Variants in PDHX observed in about 807,000 individuals in gnomAD.
The protein encoded by PDHX is pyruvate dehydrogenase protein X component, mitochondrial.
A neutral mutation model predicts 55.3 loss-of-function variants in PDHX; 33 were observed. The ratio of observed to expected loss-of-function variants is 0.60; its 90% CI spans 0.45 to 0.80. The LOEUF (loss-of-function observed/expected upper bound fraction) is 0.80. PDHX is among the 30% of genes least tolerant of loss of function. The pLI, the probability that PDHX is intolerant of heterozygous loss-of-function variation, is 0.00. For synonymous variants in PDHX, 226 were observed against 219.4 expected (o/e 1.03, Z -0.27); for missense variants, 622 against 619.9 (o/e 1.00, Z -0.04).
At chr11:34,941,676 C>A (rs1854487120) in intron 2 of PDHX, among the ~76,000 whole-genome samples, 1 of 152,210 alleles carries the variant, frequency 6.6e-6, no homozygotes, top group Non-Finnish European at 1.5e-5. Flanking sequence ...TTTGTGAAAG[C>A]CTCAGGACTT....
chr11:34,922,646 A>G (rs558998442), intron 1 of PDHX, among the ~76,000 whole-genome samples: 3 of 152,322 alleles, frequency 2.0e-5, no homozygotes, highest in African/African-American at 4.8e-5. Flanking sequence ...ATTGTAGACT[A>G]GCATTTCTGT....
upstream of PDHX, chr11:34,916,114 AC>A: frequency 7.1e-7 from 1 of 1,408,272 alleles, no homozygotes. Flanking sequence ...CAGGCCCGAA[AC>A]CCCGCCCCGC....
At position 34,916,633 on chromosome 11, in the gene PDHX, C is replaced by CA; in HGVS notation, c.-22dup. 3 of 1,603,898 alleles carry CA rather than the reference C, an allele frequency of 1.9e-6. No homozygotes were observed. The highest frequency in any genetic ancestry group is 2.5e-6 in the Non-Finnish European group (3 of 1,179,722). ...GCTGGACATCAGGCTGTGCTGCGGG[C>CA]AGCCAGTGAGAAGGCCGTCAAGATG... is the stretch of plus-strand genomic sequence containing the variant. On this transcript the variant is annotated 5_prime_UTR_variant, in exon 1 of 11. Transcript: ENST00000227868.
At chr11:34,975,672 G>A (rs1754308339) in intron 7 of PDHX, among the ~76,000 whole-genome samples, 1 of 151,940 alleles carries the variant, frequency 6.6e-6, no homozygotes, top group African/African-American at 2.4e-5. Flanking sequence ...TCTGACAGTG[G>A]GTATTTACTT....
intron 8 of PDHX, among the ~76,000 whole-genome samples, chr11:34,981,114 A>G (rs2133994046): frequency 6.6e-6 from 1 of 152,138 alleles, no homozygotes; most frequent in East Asian, 1.9e-4. Flanking sequence ...AAGTCATTTA[A>G]CATTAGGTAT....
intron 6 of PDHX, 35 bp from the exon 7 acceptor site, chr11:34,970,104 T>A: frequency 6.2e-7 from 1 of 1,601,486 alleles, no homozygotes. Flanking sequence ...CTATTCCACT[T>A]GTGGTTTAAC....
chr11:34,954,686 A>G (rs780544540), intron 3 of PDHX, among the ~76,000 whole-genome samples: 7 of 152,204 alleles, frequency 4.6e-5, no homozygotes, highest in Non-Finnish European at 7.3e-5. Flanking sequence ...TAAAAAATCC[A>G]TAATTTGAAG....
chr11:34,953,470 C>CA (rs1854827632), intron 3 of PDHX, among the ~76,000 whole-genome samples: 1 of 152,202 alleles, frequency 6.6e-6, no homozygotes, highest in Non-Finnish European at 1.5e-5. Context: ...ACCAAAACAG[C>CA]ATGCTACTGC....
intron 9 of PDHX, 105 bp downstream of exon 9, chr11:34,984,833 G>A (rs939034156): frequency 4.7e-6 from 5 of 1,066,522 alleles, no homozygotes; most frequent in Admixed American, 1.7e-5. Context: ...TGATTTTTGT[G>A]TGTGTGAAGG....
chr11:34,966,568 C>G, intron 5 of PDHX, 72 bp from the exon 6 acceptor site: 1 of 1,376,258 alleles, frequency 7.3e-7, no homozygotes, highest in Non-Finnish European at 1.0e-6. Context: ...CCACATCTCA[C>G]CTGCGTTTTC....
intron 4 of PDHX, 146 bp downstream of exon 4, chr11:34,957,729 GTTT>G: frequency 1.9e-6 from 1 of 532,136 alleles, no homozygotes; most frequent in Non-Finnish European, 3.4e-6. Context: ...TAGAGTGTGT[GTTT>G]TTTTTTTTAA....
intron 8 of PDHX, among the ~76,000 whole-genome samples, chr11:34,978,701 C>A (rs1855437406): frequency 6.6e-6 from 1 of 152,006 alleles, no homozygotes; most frequent in East Asian, 1.9e-4. Flanking sequence ...AGGCTGCAAG[C>A]AGAGGATCGC....
intron 2 of PDHX, among the ~76,000 whole-genome samples, chr11:34,936,707 T>C (rs1004679202): frequency 6.6e-6 from 1 of 151,978 alleles, no homozygotes; most frequent in Admixed American, 6.6e-5. Context: ...TTTATCAGTC[T>C]GTGAGGGTCC....
rs551223450 is a variant in PDHX, at chr11:34,917,493, A to G, written c.160+678A>G. 3.9e-5 allele frequency among the ~76,000 whole-genome samples: 6 copies of G among 152,346 alleles called. No homozygotes were observed. The South Asian group carries it at 6.2e-4, about 16-fold the overall frequency. Reference sequence around the variant, plus strand: ...ATTCTTGCAGTATTTAACAGTATGCAAAATGGCAGGCCGGGTATTATTTTT... The same window carrying G: ...ATTCTTGCAGTATTTAACAGTATGCGAAATGGCAGGCCGGGTATTATTTTT... On this transcript the variant is annotated intron_variant, in intron 1 of 10. Coordinates refer to ENST00000227868, the MANE Select transcript of PDHX (RefSeq NM_003477.3).
At chr11:34,971,418 G>A (rs537838100) in intron 7 of PDHX, among the ~76,000 whole-genome samples, 2 of 152,142 alleles carry the variant, frequency 1.3e-5, no homozygotes, top group African/African-American at 4.8e-5. Context: ...AGTCTTTTAT[G>A]TTAGCTATAG....
upstream of PDHX, chr11:34,916,295 A>AG: frequency 6.2e-7 from 1 of 1,611,676 alleles, no homozygotes; most frequent in African/African-American, 1.3e-5. Context: ...GGCCCAGACC[A>AG]GGGACCCGCG....
At chr11:34,991,206 T>C (rs1315331347) in intron 9 of PDHX, among the ~76,000 whole-genome samples, 3 of 152,214 alleles carry the variant, frequency 2.0e-5, no homozygotes, top group Non-Finnish European at 4.4e-5. Context: ...TACATCCTTA[T>C]ATTCCTTGTG....
chr11:34,993,396 C>G (rs1016304828), intron 10 of PDHX, among the ~76,000 whole-genome samples: 1 of 151,770 alleles, frequency 6.6e-6, no homozygotes, highest in African/African-American at 2.4e-5. Flanking sequence ...TGAAGTTACT[C>G]TTCTGTGTTA....
At chr11:34,928,383 T>C (rs1854074036) in intron 1 of PDHX, among the ~76,000 whole-genome samples, 1 of 151,718 alleles carries the variant, frequency 6.6e-6, no homozygotes, top group Non-Finnish European at 1.5e-5. Flanking sequence ...TTTTTTTTTT[T>C]AAGCCTTTGT....
Sources: gnomAD v4.1 joint callset for allele counts (sites outside exome capture counted in the v4.1 genomes callset) on GRCh38, gnomAD v4.1.1 for gene constraint, MANE v1.5 for transcripts, NCBI Gene and HGNC (gene_info 2026-07-23, HGNC 2026-07-21) for gene names.